SUGCT: variants seen among roughly 807,000 people sequenced by gnomAD.
SUGCT encodes the protein succinyl-CoA:glutarate-CoA transferase, also known as succinyl-CoA:glutarate CoA-transferase.
Under a neutral mutation model 55.0 loss-of-function variants are expected in SUGCT, and 41 were observed. The ratio of observed to expected loss-of-function variants is 0.74; its 90% CI spans 0.58 to 0.97. SUGCT has a LOEUF of 0.97. Ranked by LOEUF, SUGCT falls within the 50% of genes least tolerant of loss-of-function variation. The pLI is 0.00. For synonymous variants in SUGCT, 187 were observed against 200.4 expected, an observed-to-expected ratio of 0.93 and a Z score of 0.56; for missense variants, 568 against 547.8, an observed-to-expected ratio of 1.04 and a Z score of -0.37.
At chr7:40,888,010 T>C in the SUGCT span, among the ~76,000 whole-genome samples, 3 of 152,092 alleles carry the variant, frequency 2.0e-5, no homozygotes, top group Admixed American at 6.6e-5. Flanking sequence ...TTATTTTATC[T>C]CTGAAGTGGC....
chr7:40,589,205 A>ATAT (rs762568252), intron 12 of SUGCT, among the ~76,000 whole-genome samples: 2 of 151,972 alleles, frequency 1.3e-5, no homozygotes, highest in Non-Finnish European at 2.9e-5. Flanking sequence ...AGCCAAGACA[A>ATAT]TATTTTCTTA....
At chr7:40,234,396 C>A (rs948811810) in intron 6 of SUGCT, among the ~76,000 whole-genome samples, 1 of 152,178 alleles carries the variant, frequency 6.6e-6, no homozygotes, top group Non-Finnish European at 1.5e-5. Flanking sequence ...GTGCCCTCTA[C>A]AGCAGCACAC....
rs944502981 is a variant in SUGCT at position 40,783,227 on chromosome 7, C to T, written c.1153+33730C>T. The stretch of plus-strand genomic sequence containing the variant: ...CCAACTGATGCCAGCCAGAGGACAT[C>T]GGACTACTTTTTCCTCTTGCTAGGA... On this transcript the variant is annotated intron_variant, in intron 13 of 13. Transcript: ENST00000335693. Among the ~76,000 whole-genome samples the T allele has an allele frequency of 5.9e-5, 9 of 152,080 alleles. 1 individual carries two copies. The South Asian group carries it at 6.2e-4, about 11-fold the overall frequency.
the SUGCT span, among the ~76,000 whole-genome samples, chr7:40,988,405 T>C: frequency 6.6e-6 from 1 of 151,500 alleles, no homozygotes; most frequent in African/African-American, 2.4e-5. Flanking sequence ...CTTCTAATGC[T>C]ACCAGGTTCT....
intron 1 of SUGCT, among the ~76,000 whole-genome samples, chr7:40,156,222 G>C (rs1011257336): frequency 1.3e-5 from 2 of 152,124 alleles, no homozygotes; most frequent in Non-Finnish European, 2.9e-5. Flanking sequence ...CCAGAACTTT[G>C]GAAGGCCAAG....
intron 9 of SUGCT, among the ~76,000 whole-genome samples, chr7:40,380,089 G>A (rs1784796655): frequency 6.6e-6 from 1 of 152,200 alleles, no homozygotes; most frequent in Admixed American, 6.5e-5. Flanking sequence ...CCTTGAAAAT[G>A]AGGTATTTTC....
At chr7:40,821,706 A>C (rs1485665889) in intron 13 of SUGCT, among the ~76,000 whole-genome samples, 1 of 152,058 alleles carries the variant, frequency 6.6e-6, no homozygotes, top group Non-Finnish European at 1.5e-5. Context: ...TGATCTTTTC[A>C]AAAAACCAGC....
chr7:40,933,836 A>C, the SUGCT span, among the ~76,000 whole-genome samples: 1 of 152,134 alleles, frequency 6.6e-6, no homozygotes, highest in Non-Finnish European at 1.5e-5. Context: ...CCATTCGTCT[A>C]ACCTTTTTTC....
chr7:40,175,920 G>T (rs574392444), intron 1 of SUGCT, among the ~76,000 whole-genome samples: 1 of 152,122 alleles, frequency 6.6e-6, no homozygotes, highest in South Asian at 2.1e-4. Context: ...ATTGATTTTG[G>T]GGTTACAAAT....
the SUGCT span, among the ~76,000 whole-genome samples, chr7:40,927,827 A>T: frequency 6.6e-6 from 1 of 152,116 alleles, no homozygotes; most frequent in Non-Finnish European, 1.5e-5. Flanking sequence ...TCATTGCCTG[A>T]GCTCGTATGT....
chr7:40,525,965 T>C (rs369486280), intron 12 of SUGCT, among the ~76,000 whole-genome samples: 19 of 152,286 alleles, frequency 1.2e-4, no homozygotes, highest in African/African-American at 4.3e-4. Context: ...GGCTATTAAG[T>C]GCATCTGCCT....
In SUGCT at chr7:40,734,297, G is replaced by C. The variant is rs567105046; in HGVS notation, c.1090-15137G>C. 9.1e-4 allele frequency among the ~76,000 whole-genome samples: 139 copies of C among 152,246 alleles called. 7 individuals are homozygous for C. Among genetic ancestry groups the C allele is most frequent in the Non-Finnish European group, 3.2e-4 (22 of 68,020 alleles). ...TGTTGCACTCAGATCAGCAATACTA[G>C]AATCTTATTATAGTGGAAAGTCGTA... On this transcript the variant is annotated intron_variant, in intron 12 of 13. Transcript: ENST00000335693.
At chr7:40,499,240 G>A (rs1792155806) in intron 12 of SUGCT, 2 of 372,040 alleles carry the variant, frequency 5.4e-6, no homozygotes, top group Admixed American at 3.3e-5. Flanking sequence ...AAGTGAAAAG[G>A]GGTATGTCTA....
At chr7:40,538,718 A>C (rs1246606658) in intron 12 of SUGCT, 1 of 152,250 alleles carries the variant, frequency 6.6e-6, no homozygotes, top group Non-Finnish European at 1.5e-5. Flanking sequence ...GTTTCTGAAC[A>C]AAAACCACAG....
intron 8 of SUGCT, among the ~76,000 whole-genome samples, chr7:40,275,805 A>G (rs960624736): frequency 2.6e-5 from 4 of 152,210 alleles, no homozygotes; most frequent in African/African-American, 7.2e-5. Flanking sequence ...AACTGGGGGA[A>G]TAAAAGGGTT....
chr7:40,976,664 G>A, the SUGCT span, among the ~76,000 whole-genome samples: 3 of 152,150 alleles, frequency 2.0e-5, no homozygotes, highest in African/African-American at 7.2e-5. Context: ...CTTCCAATGA[G>A]TGGTTGAGAG....
chr7:40,906,515 A>G, the SUGCT span, among the ~76,000 whole-genome samples: 1 of 152,228 alleles, frequency 6.6e-6, no homozygotes, highest in Non-Finnish European at 1.5e-5. Context: ...AGATTAAAAC[A>G]ACTACAGATA....
intron 11 of SUGCT, among the ~76,000 whole-genome samples, chr7:40,481,845 G>A (rs1452841466): frequency 6.6e-6 from 1 of 152,022 alleles, no homozygotes; most frequent in Non-Finnish European, 1.5e-5. Context: ...CTGTTAAAAA[G>A]TGCAACTCTT....
chr7:40,244,886 G>A (rs1368548771), intron 7 of SUGCT, among the ~76,000 whole-genome samples: 1 of 152,086 alleles, frequency 6.6e-6, no homozygotes, highest in Non-Finnish European at 1.5e-5. Context: ...GACATAAACT[G>A]GGTCTTTTTC....
Sources: gnomAD v4.1 joint callset for allele counts (sites outside exome capture counted in the v4.1 genomes callset) on GRCh38, gnomAD v4.1.1 for gene constraint, MANE v1.5 for transcripts, NCBI Gene and HGNC (gene_info 2026-07-23, HGNC 2026-07-21) for gene names.